The following CCDC195 variants were observed in gnomAD, a reference collection of about 807,000 sequenced individuals.
The protein encoded by CCDC195 is coiled-coil domain-containing protein 195.
chr2:224,708,007 C>CTTT (rs1689246806), intron 2 of CCDC195, among the ~76,000 whole-genome samples: 1 of 50,232 alleles, frequency 2.0e-5, no homozygotes, highest in African/African-American at 1.4e-4. Flanking sequence ...TCCCTTCCTT[C>CTTT]CTTTCTTCCT....
intron 1 of CCDC195, among the ~76,000 whole-genome samples, chr2:224,711,670 A>T (rs945924453): frequency 2.6e-5 from 4 of 152,158 alleles, no homozygotes; most frequent in African/African-American, 9.7e-5. Context: ...GCGTAAAAAA[A>T]CCACTGCATT....
At chr2:224,703,963 C>A (rs931080413) in intron 2 of CCDC195, 76 bp from the exon 3 acceptor site, 4 of 397,080 alleles carry the variant, frequency 1.0e-5, no homozygotes, top group Non-Finnish European at 1.8e-5. Flanking sequence ...ATTTTTCCCC[C>A]CAATCACCAG....
At chr2:224,712,540 C>T (rs1433219213) in intron 1 of CCDC195, among the ~76,000 whole-genome samples, 1 of 152,190 alleles carries the variant, frequency 6.6e-6, no homozygotes, top group African/African-American at 2.4e-5. Flanking sequence ...CGTAGCTCTG[C>T]GTCCTCGGGT....
At chr2:224,714,586 T>C (rs1220431572) in intron 1 of CCDC195, among the ~76,000 whole-genome samples, 1 of 152,162 alleles carries the variant, frequency 6.6e-6, no homozygotes. Flanking sequence ...CACCCTACCA[T>C]GCTCGAGATG....
intron 2 of CCDC195, among the ~76,000 whole-genome samples, chr2:224,708,145 G>A (rs889274145): frequency 3.3e-5 from 5 of 152,032 alleles, no homozygotes; most frequent in East Asian, 1.9e-4. Context: ...TTGAGCCACC[G>A]CACCTAGCCA....
Position 224,705,511 on chromosome 2 carries a change from T to C in CCDC195, c.483-1624A>G, listed in dbSNP as rs540499822. ...AATAATGGAAAAGTTCACAAGCAAA[T>C]TGGTTATGATGTCTGATATGATTCA... On this transcript the variant is annotated intron_variant, in intron 2 of 2. Coordinates refer to ENST00000638102, the Ensembl canonical transcript of CCDC195. Among the ~76,000 whole-genome samples, 11 of 152,288 alleles carry C rather than the reference T, an allele frequency of 7.2e-5. No homozygotes were observed. In the South Asian group the frequency reaches 1.9e-3, roughly 26 times the overall value.
chr2:224,705,119 A>T (rs901194296), intron 2 of CCDC195, among the ~76,000 whole-genome samples: 25 of 152,176 alleles, frequency 1.6e-4, no homozygotes, highest in African/African-American at 5.1e-4. Context: ...ACAATCTAGT[A>T]ACTTTCTCCA....
At chr2:224,704,418 A>G (rs1199607926) in intron 2 of CCDC195, among the ~76,000 whole-genome samples, 1 of 152,166 alleles carries the variant, frequency 6.6e-6, no homozygotes, top group Non-Finnish European at 1.5e-5. Context: ...ATTACATAGA[A>G]TTTAGACATT....
intron 2 of CCDC195, among the ~76,000 whole-genome samples, chr2:224,708,495 T>C (rs565121133): frequency 6.6e-6 from 1 of 152,336 alleles, no homozygotes; most frequent in African/African-American, 2.4e-5. Context: ...TCCATTTTTC[T>C]TTGGCTAAAT....
chr2:224,704,209 C>A (rs922775995), intron 2 of CCDC195, among the ~76,000 whole-genome samples: 2 of 152,126 alleles, frequency 1.3e-5, no homozygotes, highest in Non-Finnish European at 2.9e-5. Context: ...AAGTCTCTTG[C>A]GTCAAATCTT....
At chr2:224,714,591 G>A (rs1291071442) in intron 1 of CCDC195, among the ~76,000 whole-genome samples, 1 of 152,122 alleles carries the variant, frequency 6.6e-6, no homozygotes, top group Non-Finnish European at 1.5e-5. Flanking sequence ...TACCATGCTC[G>A]AGATGACCTC....
In CCDC195 at chr2:224,716,205, G is replaced by A. The variant is rs892112254; in HGVS notation, c.161C>T (p.Ala54Val). The change falls in exon 1 of 3, where the codon GCG becomes GTG. Residue 54 changes from alanine (A) to valine (V), a missense_variant. Coordinates refer to ENST00000638102, the Ensembl canonical transcript of CCDC195. ...AAGGGTTGCTGGAGATTGTCCTGGC[G>A]CTTCCTCCTCCCTTTCGTCTCCTGA... 2.0e-5 allele frequency: 8 copies of A among 398,596 alleles called. No individual in the cohort carries two copies. The South Asian group carries it at 3.8e-4, about 19-fold the overall frequency. The allele number at this position is 398,596 out of a possible 1,614,324, so 24.7% of individuals were successfully genotyped here. A position where few individuals can be genotyped will look rare whatever the true frequency, so the allele number is the denominator to read the frequency against.
At chr2:224,705,930 G>A (rs752180080) in intron 2 of CCDC195, among the ~76,000 whole-genome samples, 2 of 152,050 alleles carry the variant, frequency 1.3e-5, no homozygotes, top group Admixed American at 1.3e-4. Flanking sequence ...CCTCATAAAT[G>A]TTGGTTAGGT....
chr2:224,708,464 C>T (rs545427497), intron 2 of CCDC195, among the ~76,000 whole-genome samples: 16 of 152,234 alleles, frequency 1.1e-4, no homozygotes, highest in East Asian at 9.7e-4. Flanking sequence ...ATGTCTGTTT[C>T]GTTCTACCTG....
intron 2 of CCDC195, among the ~76,000 whole-genome samples, chr2:224,704,150 G>T (rs1010098857): frequency 6.6e-6 from 1 of 152,200 alleles, no homozygotes; most frequent in Non-Finnish European, 1.5e-5. Context: ...GCTGAGGAAT[G>T]ATTATTAGTT....
At chr2:224,708,816 C>A (rs73996445) in intron 2 of CCDC195, among the ~76,000 whole-genome samples, 3,270 of 152,234 alleles carry the variant, frequency 0.021, 133 homozygotes, top group African/African-American at 0.074. Flanking sequence ...AGACCCAGGT[C>A]CCCTCCTCTT....
At chr2:224,711,391 A>G (rs1239427981) in intron 1 of CCDC195, among the ~76,000 whole-genome samples, 1 of 148,550 alleles carries the variant, frequency 6.7e-6, no homozygotes, top group African/African-American at 2.5e-5. Context: ...TAATGAAAAC[A>G]TGTTGATTAA....
chr2:224,713,803 A>AT (rs59559911), intron 1 of CCDC195, among the ~76,000 whole-genome samples: 52,078 of 136,436 alleles, frequency 0.38, 11,001 homozygotes, highest in Middle Eastern at 0.46. Flanking sequence ...TTTCACCAGT[A>AT]TTTTTTTTTT....
intron 2 of CCDC195, among the ~76,000 whole-genome samples, chr2:224,704,140 G>A (rs1246377963): frequency 1.3e-5 from 2 of 152,194 alleles, no homozygotes; most frequent in Non-Finnish European, 2.9e-5. Flanking sequence ...AGACTATATG[G>A]CTGAGGAATG....
Sources: gnomAD v4.1 joint callset for allele counts (sites outside exome capture counted in the v4.1 genomes callset) on GRCh38, gnomAD v4.1.1 for gene constraint, MANE v1.5 for transcripts, NCBI Gene and HGNC (gene_info 2026-07-23, HGNC 2026-07-21) for gene names.